RBPMS2: variants seen among roughly 807,000 people sequenced by gnomAD.
RBPMS2 encodes RNA binding protein, mRNA processing factor 2, also known as RNA-binding protein with multiple splicing 2.
RBPMS2 carries 14 observed loss-of-function variants against 25.7 expected under a neutral mutation model. That is an observed-to-expected ratio of 0.55 (90% CI 0.36 to 0.85). The LOEUF is 0.85. RBPMS2 is among the 40% of genes least tolerant of loss of function. RBPMS2 has a pLI of 0.01. For missense variants in RBPMS2, 252 were observed against 283.4 expected (o/e 0.89, Z 0.80); for synonymous variants, 127 against 115.6 (o/e 1.10, Z -0.63).
At chr15:64,755,526 C>A (rs1286525108) in intron 1 of RBPMS2, among the ~76,000 whole-genome samples, 5 of 152,172 alleles carry the variant, frequency 3.3e-5, no homozygotes, top group African/African-American at 1.2e-4. Context: ...TTGTCAACGG[C>A]ACACAGCTGA....
intron 6 of RBPMS2, among the ~76,000 whole-genome samples, chr15:64,747,537 T>C (rs2083629087): frequency 6.6e-6 from 1 of 152,068 alleles, no homozygotes. Context: ...TGAGGTGGGC[T>C]CAAAAGTGCC....
intron 1 of RBPMS2, among the ~76,000 whole-genome samples, chr15:64,766,487 T>C (rs967691952): frequency 6.6e-6 from 1 of 151,588 alleles, no homozygotes; most frequent in Non-Finnish European, 1.5e-5. Flanking sequence ...GGTTCTGGCA[T>C]ATGAAGCCTC....
chr15:64,744,277 G>A (rs1299111199), intron 6 of RBPMS2, among the ~76,000 whole-genome samples: 5 of 151,946 alleles, frequency 3.3e-5, no homozygotes, highest in African/African-American at 9.7e-5. Context: ...ACAAAACAAT[G>A]GCTGGGCGCG....
Position 64,750,880 on chromosome 15 carries a change from A to C in RBPMS2, c.166-499T>G, listed in dbSNP as rs956661692. 4.0e-5 allele frequency among the ~76,000 whole-genome samples: 6 copies of C among 151,680 alleles called. 1 individual carries two copies. Among genetic ancestry groups the C allele is most frequent in the Admixed American group, 3.3e-4 (5 of 15,208 alleles). On this transcript the variant is annotated intron_variant, in intron 2 of 7. Transcript: ENST00000300069. ...TGGTGAAACCCCATCTCTACTAAAA[A>C]TACAAAAACTAGCCAGGCATGGTGG...
intron 1 of RBPMS2, among the ~76,000 whole-genome samples, chr15:64,753,683 C>A (rs1295514155): frequency 6.6e-6 from 1 of 152,154 alleles, no homozygotes; most frequent in Non-Finnish European, 1.5e-5. Context: ...TGGGACGCAT[C>A]TTCTCCCTTG....
At chr15:64,773,028 C>A (rs1019360109) in intron 1 of RBPMS2, among the ~76,000 whole-genome samples, 60 of 152,184 alleles carry the variant, frequency 3.9e-4, no homozygotes, top group Non-Finnish European at 8.1e-4. Context: ...AGTGACCCAG[C>A]GCCTTTAGGA....
At chr15:64,749,724 T>TGGGA (rs2083657535) in intron 3 of RBPMS2, among the ~76,000 whole-genome samples, 1 of 152,126 alleles carries the variant, frequency 6.6e-6, no homozygotes. Flanking sequence ...GAATATCCTG[T>TGGGA]GGGAAATGAT....
rs372090318 is a variant in RBPMS2, at chr15:64,769,396, C to G, written c.87+5837G>C. Among the ~76,000 whole-genome samples the G allele has an allele frequency of 1.0e-4, 15 of 148,246 alleles. No homozygotes were observed. In the South Asian group the frequency reaches 1.7e-3, roughly 17 times the overall value. On this transcript the variant is annotated intron_variant, in intron 1 of 7. Transcript: ENST00000300069. ...CCGAGATCGCGCCATTGCACTCCAG[C>G]CTGGGCAACAAGAGCGAAACTCCGT... is the stretch of plus-strand genomic sequence containing the variant.
Position 64,775,331 on chromosome 15 carries a change from G to C in RBPMS2, c.-12C>G. The stretch of plus-strand genomic sequence containing the variant: ...TTCAGGTTGCTCATGGTGCGGGGGA[G>C]GGGGCGGCGGGAAGGAACGCGAGGG... On this transcript the variant is annotated 5_prime_UTR_variant, in exon 1 of 8. Transcript: ENST00000300069. 1 of 1,274,064 alleles carries C rather than the reference G, an allele frequency of 7.8e-7. No individual in the cohort carries two copies. Among genetic ancestry groups the C allele is most frequent in the Non-Finnish European group, 1.0e-6 (1 of 1,004,908 alleles). The allele number at this position is 1,274,064 out of a possible 1,614,324, so 78.9% of individuals were successfully genotyped here.
intron 6 of RBPMS2, among the ~76,000 whole-genome samples, chr15:64,742,888 G>A (rs1215289146): frequency 4.6e-5 from 7 of 152,194 alleles, no homozygotes; most frequent in East Asian, 1.9e-4. Flanking sequence ...AGCTTCCTAA[G>A]AACCCGTTCC....
At chr15:64,744,793 G>GTTTTGTTGTTTTT (rs2083600468) in intron 6 of RBPMS2, among the ~76,000 whole-genome samples, 1 of 57,796 alleles carries the variant, frequency 1.7e-5, no homozygotes, top group African/African-American at 8.7e-5. Flanking sequence ...TTTTTGGTTT[G>GTTTTGTTGTTTTT]TTTTGTTTTT....
intron 1 of RBPMS2, among the ~76,000 whole-genome samples, chr15:64,773,187 G>A (rs903468436): frequency 6.6e-5 from 10 of 152,168 alleles, no homozygotes; most frequent in South Asian, 2.1e-4. Flanking sequence ...TGCTCTTAGG[G>A]GCTGCAGAAC....
At chr15:64,770,533 C>T (rs1203913668) in intron 1 of RBPMS2, among the ~76,000 whole-genome samples, 1 of 152,172 alleles carries the variant, frequency 6.6e-6, no homozygotes, top group Non-Finnish European at 1.5e-5. Flanking sequence ...AGAGGGGACA[C>T]ATCCACAATA....
At chr15:64,747,970 G>A (rs2083634155) in intron 6 of RBPMS2, among the ~76,000 whole-genome samples, 1 of 149,810 alleles carries the variant, frequency 6.7e-6, no homozygotes, top group African/African-American at 2.4e-5. Context: ...CCCTAAGGCA[G>A]ATTATCTGAT....
At chr15:64,741,292 C>A (rs763689931) in intron 6 of RBPMS2, 50 bp from the exon 7 acceptor site, 11 of 1,428,680 alleles carry the variant, frequency 7.7e-6, no homozygotes, top group Non-Finnish European at 9.7e-6. Flanking sequence ...CTTCCCTCAA[C>A]AGGAAGCCAG....
chr15:64,755,725 G>A (rs536010309), intron 1 of RBPMS2, among the ~76,000 whole-genome samples: 5 of 152,278 alleles, frequency 3.3e-5, no homozygotes, highest in African/African-American at 7.2e-5. Flanking sequence ...AGGGGAAACT[G>A]GCAAACCAGG....
chr15:64,759,199 C>T (rs2083759345), intron 1 of RBPMS2, among the ~76,000 whole-genome samples: 1 of 152,210 alleles, frequency 6.6e-6, no homozygotes, highest in African/African-American at 2.4e-5. Context: ...GAGCACAGCA[C>T]CTGGGTGGCA....
At chr15:64,760,709 G>C (rs774999147) in intron 1 of RBPMS2, among the ~76,000 whole-genome samples, 4 of 151,936 alleles carry the variant, frequency 2.6e-5, no homozygotes, top group Non-Finnish European at 5.9e-5. Flanking sequence ...GCTGAGGCTG[G>C]AGAAATCGCT....
intron 1 of RBPMS2, among the ~76,000 whole-genome samples, chr15:64,753,972 A>G (rs1172708128): frequency 6.6e-6 from 1 of 152,136 alleles, no homozygotes; most frequent in African/African-American, 2.4e-5. Context: ...GACTTGTCCA[A>G]GGTCACATGG....
Sources: gnomAD v4.1 joint callset for allele counts (sites outside exome capture counted in the v4.1 genomes callset) on GRCh38, gnomAD v4.1.1 for gene constraint, MANE v1.5 for transcripts, NCBI Gene and HGNC (gene_info 2026-07-23, HGNC 2026-07-21) for gene names.